NT5DC3: variants seen among roughly 807,000 people sequenced by gnomAD.
NT5DC3 encodes the protein 5'-nucleotidase domain-containing protein 3.
In NT5DC3, 42 loss-of-function variants were observed where a neutral mutation model predicts 67.8. The ratio of observed to expected loss-of-function variants is 0.62; its 90% CI spans 0.48 to 0.80. The LOEUF is 0.80. NT5DC3 is among the 30% of genes least tolerant of loss of function. The pLI, the probability that NT5DC3 is intolerant of heterozygous loss-of-function variation, is 0.00. For synonymous variants in NT5DC3, 237 were observed against 255.6 expected (o/e 0.93, Z 0.69); for missense variants, 570 against 696.4 (o/e 0.82, Z 2.04).
At chr12:103,836,989 C>T (rs142176549) in intron 1 of NT5DC3, among the ~76,000 whole-genome samples, 11 of 152,228 alleles carry the variant, frequency 7.2e-5, no homozygotes, top group East Asian at 1.9e-4. Context: ...ATTTCCCTTC[C>T]GCAATGCCCT....
At chr12:103,833,515 T>A (rs968547133) in intron 1 of NT5DC3, among the ~76,000 whole-genome samples, 3 of 152,190 alleles carry the variant, frequency 2.0e-5, no homozygotes, top group Non-Finnish European at 4.4e-5. Context: ...CATCATCATG[T>A]AGACACAGTC....
chr12:103,790,190 G>A (rs11111775), intron 9 of NT5DC3, among the ~76,000 whole-genome samples: 58,136 of 151,920 alleles, frequency 0.38, 12,184 homozygotes, highest in East Asian at 0.88. Context: ...CTACAGTCTT[G>A]ACCTCCTGGG....
chr12:103,841,000 T>G lies in NT5DC3; in HGVS notation c.157A>C (p.Met53Leu), dbSNP rs977025133. Residue 53 changes from methionine (M) to leucine (L), a missense_variant, in exon 1 of 14, where the codon ATG becomes CTG. Physicochemically the swap from Met to Leu is conservative, Grantham distance 15. Transcript: ENST00000392876. ...LCTAPGTAPD[M>L]KRYLWERYRE... ...TAGCGCTCCCACAGGTAGCGCTTCA[T>G]GTCCGGGGCGGTCCCGGGTGCAGTG... is the stretch of plus-strand genomic sequence containing the variant. The G allele has an allele frequency of 7.6e-7, 1 of 1,311,222 alleles. No homozygotes were observed. Among genetic ancestry groups the G allele is most frequent in the Non-Finnish European group, 9.7e-7 (1 of 1,025,768 alleles). 81.2% of individuals were successfully genotyped at this position (1,311,222 alleles called of 1,614,324 possible).
chr12:103,781,471 A>G (rs967619014), intron 12 of NT5DC3, among the ~76,000 whole-genome samples: 1 of 152,174 alleles, frequency 6.6e-6, no homozygotes, highest in African/African-American at 2.4e-5. Flanking sequence ...CCTCCCACGA[A>G]GCACCCAGCA....
chr12:103,761,536 C>T, the NT5DC3 span: 1 of 794,852 alleles, frequency 1.3e-6, no homozygotes, highest in Non-Finnish European at 2.0e-6. Flanking sequence ...AGCCTCCAGC[C>T]TCCAACCTCC....
At chr12:103,747,857 T>A in the NT5DC3 span, among the ~76,000 whole-genome samples, 1 of 152,132 alleles carries the variant, frequency 6.6e-6, no homozygotes, top group African/African-American at 2.4e-5. Context: ...TAGCCGGGCA[T>A]GGTGACAGGT....
rs1025662204 is a variant in NT5DC3, at chr12:103,797,158, G to A, written c.616-127C>T. ...GAGATCCCATCATCAACACAAAAAAGGAAAGTTCTAATAATAAAAAAGGAC... is the reference window on the plus strand; with the variant it reads ...GAGATCCCATCATCAACACAAAAAAAGAAAGTTCTAATAATAAAAAAGGAC... On this transcript the variant is annotated intron_variant, in intron 5 of 13. Coordinates refer to ENST00000392876, the MANE Select transcript of NT5DC3 (RefSeq NM_001031701.3). 99 of 1,006,042 alleles carry A rather than the reference G, an allele frequency of 9.8e-5. 1 individual carries two copies. The South Asian group carries it at 1.2e-3, about 12-fold the overall frequency. The allele number at this position is 1,006,042 out of a possible 1,614,324, so 62.3% of individuals were successfully genotyped here. A position where few individuals can be genotyped will look rare whatever the true frequency, so the allele number is the denominator to read the frequency against.
At chr12:103,802,972 T>A (rs1463231909) in intron 4 of NT5DC3, among the ~76,000 whole-genome samples, 2 of 152,170 alleles carry the variant, frequency 1.3e-5, no homozygotes, top group Non-Finnish European at 2.9e-5. Context: ...AGGGAATCAG[T>A]CTGGCAAGAA....
chr12:103,758,804 C>T, the NT5DC3 span, among the ~76,000 whole-genome samples: 3 of 152,342 alleles, frequency 2.0e-5, no homozygotes, highest in Non-Finnish European at 4.4e-5. Context: ...ATTCAATTCA[C>T]GCACAGGTGG....
Position 103,776,788 on chromosome 12 carries a change from C to T in NT5DC3, c.*1041G>A, listed in dbSNP as rs1284624813. ...AGTTGTGGTGGCCATCTTCCTCCTCCCCTGGCCAATCCAAGCACCTCTCAG... is the reference window on the plus strand; with the variant it reads ...AGTTGTGGTGGCCATCTTCCTCCTCTCCTGGCCAATCCAAGCACCTCTCAG... On this transcript the variant is annotated 3_prime_UTR_variant, in exon 14 of 14. Coordinates refer to ENST00000392876, the MANE Select transcript of NT5DC3 (RefSeq NM_001031701.3). 3 of 152,168 alleles carry T rather than the reference C, an allele frequency of 2.0e-5. No individual in the cohort carries two copies. Among genetic ancestry groups the T allele is most frequent in the Admixed American group, 6.5e-5 (1 of 15,274 alleles). The allele number at this position is 152,168 out of a possible 1,614,324, so 9.4% of individuals were successfully genotyped here. A position where few individuals can be genotyped will look rare whatever the true frequency, so the allele number is the denominator to read the frequency against.
At chr12:103,812,418 CAACA>C (rs763661349) in intron 2 of NT5DC3, among the ~76,000 whole-genome samples, 5 of 152,068 alleles carry the variant, frequency 3.3e-5, no homozygotes, top group South Asian at 2.1e-4. Context: ...TTTATCAAAG[CAACA>C]AACAGACATA....
chr12:103,796,378 G>A (rs905202749), intron 6 of NT5DC3, among the ~76,000 whole-genome samples: 61 of 152,304 alleles, frequency 4.0e-4, no homozygotes, highest in African/African-American at 1.4e-3. Flanking sequence ...TTAGCCAGGC[G>A]TGGTGGCAGG....
At chr12:103,750,542 A>G in the NT5DC3 span, 1 of 1,609,730 alleles carries the variant, frequency 6.2e-7, no homozygotes, top group Admixed American at 1.7e-5. Context: ...GTCCTAGAGA[A>G]GGAACTTTTT....
At position 103,795,476 on chromosome 12, in the gene NT5DC3, A is replaced by C. The variant is rs377243159; in HGVS notation, c.753+1418T>G. 6.6e-5 allele frequency among the ~76,000 whole-genome samples: 10 copies of C among 152,328 alleles called. No homozygotes were observed. The East Asian group carries it at 1.3e-3, about 21-fold the overall frequency. Reference sequence around the variant, plus strand: ...GATTCTTACAGATTTTTAAAGACAAAGTGTATACACAAAAAAGAGAACAGA... The same window carrying C: ...GATTCTTACAGATTTTTAAAGACAACGTGTATACACAAAAAAGAGAACAGA... On this transcript the variant is annotated intron_variant, in intron 6 of 13. Transcript: ENST00000392876.
intron 1 of NT5DC3, among the ~76,000 whole-genome samples, chr12:103,840,714 TCCCGA>T (rs1322299606): frequency 2.0e-5 from 3 of 151,938 alleles, no homozygotes. Context: ...ACAACAGCTT[TCCCGA>T]CCGGGGAAAG....
intron 2 of NT5DC3, among the ~76,000 whole-genome samples, chr12:103,809,211 A>G (rs556475497): frequency 2.4e-4 from 36 of 152,354 alleles, no homozygotes; most frequent in Non-Finnish European, 5.0e-4. Flanking sequence ...TGCTGAAAGC[A>G]TTTGCAGTTA....
At chr12:103,837,042 T>C (rs1888180027) in intron 1 of NT5DC3, among the ~76,000 whole-genome samples, 1 of 152,248 alleles carries the variant, frequency 6.6e-6, no homozygotes, top group Non-Finnish European at 1.5e-5. Flanking sequence ...CAGCAAACTT[T>C]TGCCCGGGCA....
At chr12:103,761,456 G>GC in the NT5DC3 span, 1 of 1,543,674 alleles carries the variant, frequency 6.5e-7, no homozygotes, top group Non-Finnish European at 8.9e-7. Flanking sequence ...GAGCCCCGGT[G>GC]CCCACTCACC....
intron 2 of NT5DC3, 24 bp downstream of exon 2, chr12:103,814,913 C>A (rs767871507): frequency 1.9e-6 from 3 of 1,570,524 alleles, no homozygotes; most frequent in South Asian, 1.2e-5. Context: ...GAGGGAGAAG[C>A]CTGAAATGTC....
Sources: allele counts gnomAD v4.1 joint callset (sites outside exome capture counted in the v4.1 genomes callset), GRCh38; gene constraint gnomAD v4.1.1; transcripts MANE v1.5; gene names NCBI Gene and HGNC (gene_info 2026-07-23, HGNC 2026-07-21).